PFKFB1: variants seen among roughly 807,000 people sequenced by gnomAD.
PFKFB1 encodes the protein 6-phosphofructo-2-kinase/fructose-2,6-biphosphatase 1, also known as 6-phosphofructo-2-kinase/fructose-2,6-bisphosphatase 1.
A neutral mutation model predicts 46.4 loss-of-function variants in PFKFB1; 34 were observed. That is an observed-to-expected ratio of 0.73 (90% CI 0.56 to 0.98). The LOEUF (loss-of-function observed/expected upper bound fraction) is 0.98, where lower values mean the gene tolerates loss of function less well. PFKFB1 is among the 50% of genes least tolerant of loss of function. The probability of loss-of-function intolerance (pLI) is 0.00; values close to 1 mark genes in which losing one functional copy is unlikely to be tolerated. For synonymous variants in PFKFB1, 119 were observed against 133.8 expected (o/e 0.89, Z 0.76); for missense variants, 393 against 376.3 (o/e 1.04, Z -0.37).
At chrX:54,979,554 C>G (rs1335536022) in intron 1 of PFKFB1, among the ~76,000 whole-genome samples, 2 of 111,378 alleles carry the variant, frequency 1.8e-5, no homozygotes, top group Non-Finnish European at 3.8e-5. Flanking sequence ...GTGAAACCAA[C>G]AGAAATCCTC....
At chrX:54,979,932 C>T (rs1370374871) in intron 1 of PFKFB1, among the ~76,000 whole-genome samples, 1 of 111,633 alleles carries the variant, frequency 9.0e-6, no homozygotes, top group Non-Finnish European at 1.9e-5. Context: ...TGTGAGCTTC[C>T]CTAGGGAGAG....
At chrX:54,952,942 C>T (rs1192673167) in intron 7 of PFKFB1, among the ~76,000 whole-genome samples, 1 of 110,700 alleles carries the variant, frequency 9.0e-6, no homozygotes, top group Non-Finnish European at 1.9e-5. Flanking sequence ...TGGTCCTTGT[C>T]CCAAGTTCCT....
Position 54,946,589 on chromosome X carries a change from A to T in PFKFB1, c.994-1046T>A, listed in dbSNP as rs147458011. On this transcript the variant is annotated intron_variant, in intron 9 of 13. Transcript: ENST00000375006. ...ATCTCTGCAGTGTGAAACTTCTCCA[A>T]CCCACACTGCCCATGGAAGAAAGTG... Among the ~76,000 whole-genome samples the T allele has an allele frequency of 5.9e-4, 66 of 111,615 alleles. No homozygotes were observed. In the East Asian group the frequency reaches 0.017, roughly 29 times the overall value.
chrX:54,938,776 C>T (rs1933500691), intron 10 of PFKFB1, among the ~76,000 whole-genome samples: 1 of 111,141 alleles, frequency 9.0e-6, no homozygotes, highest in South Asian at 3.8e-4. Flanking sequence ...ACTTAGACTC[C>T]CACACAATAA....
In PFKFB1 at chrX:54,991,983, C is replaced by A. The variant is rs186857662; in HGVS notation, c.97+1928G>T. ...TGCTCCAAGAAAAAGGTGATTCAGA[C>A]CTTACAGGGACCAATAGACTGGCCT... is the stretch of plus-strand genomic sequence containing the variant. On this transcript the variant is annotated intron_variant, in intron 1 of 13. Transcript: ENST00000375006. Among the ~76,000 whole-genome samples, 5 of 112,060 alleles carry A rather than the reference C, an allele frequency of 4.5e-5. No homozygotes were observed. In the East Asian group the frequency reaches 1.4e-3, roughly 31 times the overall value.
intron 1 of PFKFB1, among the ~76,000 whole-genome samples, chrX:54,980,446 T>C (rs1222121755): frequency 9.1e-6 from 1 of 110,205 alleles, no homozygotes; most frequent in Non-Finnish European, 1.9e-5. Context: ...CTTTAAGAGA[T>C]AGCACGTATA....
At chrX:54,997,155 A>G (rs1369392377), upstream of PFKFB1, among the ~76,000 whole-genome samples, 2 of 112,130 alleles carry the variant, frequency 1.8e-5, no homozygotes, top group African/African-American at 3.2e-5. Context: ...CTTGTGGACA[A>G]CTAATCCTAG....
At chrX:54,994,573 C>A, upstream of PFKFB1, 1 of 754,047 alleles carries the variant, frequency 1.3e-6, no homozygotes, top group Non-Finnish European at 1.6e-6. Flanking sequence ...TTCCCAAGGA[C>A]AAAAACACAA....
chrX:54,933,460 A>G lies in PFKFB1; in HGVS notation c.1359T>C (p.Asn453=). The G allele has an allele frequency of 8.3e-7, 1 of 1,203,531 alleles. No individual in the cohort carries two copies. The highest frequency in any genetic ancestry group is 1.8e-5 in the South Asian group (1 of 56,748). The change falls in exon 14 of 14, where the codon AAT becomes AAC. Residue 453 remains asparagine, a splice_region_variant and synonymous_variant. Transcript: ENST00000375006. Reference sequence around the variant, plus strand: ...CCTCAGGTTCCCGGGTGATGTCCACATTCTGAGGAGAGAGCGCAGGATTAA... The same window carrying G: ...CCTCAGGTTCCCGGGTGATGTCCACGTTCTGAGGAGAGAGCGCAGGATTAA... ...AVNTHREKPE[N]VDITREPEEA...
intron 12 of PFKFB1, 68 bp from the exon 13 acceptor site, chrX:54,933,953 C>T: frequency 1.2e-6 from 1 of 826,925 alleles, no homozygotes; most frequent in Non-Finnish European, 1.8e-6. Context: ...TGAGGTATCA[C>T]CTCCCCTCCC....
intron 4 of PFKFB1, among the ~76,000 whole-genome samples, chrX:54,959,254 G>A (rs1934242448): frequency 9.1e-6 from 1 of 109,931 alleles, no homozygotes; most frequent in African/African-American, 3.3e-5. Flanking sequence ...TGCTGACAGA[G>A]CAGAGCTAGA....
At chrX:54,945,207 G>T (rs1231006209) in intron 10 of PFKFB1, among the ~76,000 whole-genome samples, 1 of 112,479 alleles carries the variant, frequency 8.9e-6, no homozygotes, top group Non-Finnish European at 1.9e-5. Flanking sequence ...AGCAGAAAGA[G>T]AATAAGCAAG....
Position 54,937,661 on chromosome X carries a change from C to A in PFKFB1, c.1162G>T (p.Val388Leu). The A allele has an allele frequency of 8.3e-7, 1 of 1,206,869 alleles. No homozygotes were observed. Among genetic ancestry groups the A allele is most frequent in the South Asian group, 1.8e-5 (1 of 56,782 alleles). Residue 388 changes from valine (V) to leucine (L), a missense_variant, in exon 11 of 14, where the codon GTA becomes TTA. By Grantham distance (32) the Val-to-Leu change is conservative (BLOSUM62 1). Coordinates refer to ENST00000375006, the MANE Select transcript of PFKFB1 (RefSeq NM_002625.4). ...VIMELERQEN[V>L]LVICHQAVMR... ...ACAGCCTGGTGGCAGATCACCAGTA[C>A]ATTCTCCTGTCGTTCTAGCTCCATT...
intron 1 of PFKFB1, among the ~76,000 whole-genome samples, chrX:54,986,144 A>C (rs907234158): frequency 8.9e-6 from 1 of 111,880 alleles, no homozygotes; most frequent in African/African-American, 3.2e-5. Context: ...TGCCTACAGA[A>C]GATAGGTTTT....
At chrX:54,948,522 C>T (rs760855066) in intron 9 of PFKFB1, among the ~76,000 whole-genome samples, 1 of 112,230 alleles carries the variant, frequency 8.9e-6, no homozygotes, top group East Asian at 2.8e-4. Context: ...GGTGGCCTGG[C>T]TTCCTTTCTA....
chrX:54,980,357 T>C (rs896594360), intron 1 of PFKFB1, among the ~76,000 whole-genome samples: 2 of 107,012 alleles, frequency 1.9e-5, no homozygotes, highest in Non-Finnish European at 3.9e-5. Context: ...GTGTGTTTAT[T>C]GAGTGGCAAA....
At chrX:54,939,198 G>C (rs1284988459) in intron 10 of PFKFB1, among the ~76,000 whole-genome samples, 1 of 111,466 alleles carries the variant, frequency 9.0e-6, no homozygotes, top group Non-Finnish European at 1.9e-5. Flanking sequence ...AAACCAACGA[G>C]AACAAAGACA....
At chrX:54,991,172 T>G (rs981192501) in intron 1 of PFKFB1, among the ~76,000 whole-genome samples, 1 of 111,616 alleles carries the variant, frequency 9.0e-6, no homozygotes, top group Non-Finnish European at 1.9e-5. Flanking sequence ...ACATACAAAT[T>G]ATCAAAACTC....
rs192881853 is a variant in PFKFB1, at chrX:54,957,338, G to A, written c.516+968C>T. ...GCCCCCATGCAAAGTTAGGCCCTCA[G>A]CACTGTCTTCCCAAAGTTCCTCTGT... On this transcript the variant is annotated intron_variant, in intron 6 of 13. Coordinates refer to ENST00000375006, the MANE Select transcript of PFKFB1 (RefSeq NM_002625.4). 4.2e-4 allele frequency among the ~76,000 whole-genome samples: 47 copies of A among 111,390 alleles called. 1 individual carries two copies. In the East Asian group the frequency reaches 0.011, roughly 26 times the overall value.
Sources: gnomAD v4.1 joint callset for allele counts (sites outside exome capture counted in the v4.1 genomes callset) on GRCh38, gnomAD v4.1.1 for gene constraint, MANE v1.5 for transcripts, NCBI Gene and HGNC (gene_info 2026-07-23, HGNC 2026-07-21) for gene names.